Variants in PTPRD observed in about 807,000 individuals in gnomAD.
PTPRD encodes the protein receptor-type tyrosine-protein phosphatase delta.
Under a neutral mutation model 214.5 loss-of-function variants are expected in PTPRD, and 34 were observed. The observed-to-expected ratio is 0.16, with a 90% CI of 0.12 to 0.21. PTPRD has a LOEUF of 0.21. Among genes scored for constraint, PTPRD ranks in the 10% least tolerant of loss-of-function variants. PTPRD has a pLI of 1.00. For missense variants in PTPRD, 2,545 were observed against 2,398.7 expected (o/e 1.06, Z -1.27); for synonymous variants, 1,128 against 845.7 (o/e 1.33, Z -5.79).
intron 9 of PTPRD, among the ~76,000 whole-genome samples, chr9:9,213,584 G>A (rs896313191): frequency 1.1e-4 from 16 of 151,862 alleles, no homozygotes; most frequent in African/African-American, 1.2e-4. Context: ...TTTGGGAATC[G>A]GTTATATTTA....
At chr9:9,194,118 A>C (rs1041756121) in intron 9 of PTPRD, among the ~76,000 whole-genome samples, 1 of 152,108 alleles carries the variant, frequency 6.6e-6, no homozygotes, top group Non-Finnish European at 1.5e-5. Flanking sequence ...CTAGGTCTAC[A>C]CAGGGTCAGG....
chr9:9,797,627 C>T (rs2099011378), intron 5 of PTPRD, among the ~76,000 whole-genome samples: 1 of 152,016 alleles, frequency 6.6e-6, no homozygotes, highest in African/African-American at 2.4e-5. Flanking sequence ...GTGTGGATCG[C>T]CTGAGGTCAG....
At chr9:8,389,062 A>C (rs2088434080) in intron 37 of PTPRD, among the ~76,000 whole-genome samples, 170 bp downstream of exon 37, 1 of 150,472 alleles carries the variant, frequency 6.6e-6, no homozygotes, top group Non-Finnish European at 1.5e-5. Flanking sequence ...AAACACCCAG[A>C]GGAGTTTTAA....
intron 8 of PTPRD, among the ~76,000 whole-genome samples, chr9:9,458,326 G>A (rs545825424): frequency 2.0e-5 from 3 of 152,014 alleles, no homozygotes; most frequent in African/African-American, 7.2e-5. Flanking sequence ...TATCTGTCAA[G>A]AAGAAATCCA....
chr9:8,991,440 A>C (rs2099366268), intron 11 of PTPRD, among the ~76,000 whole-genome samples: 1 of 151,974 alleles, frequency 6.6e-6, no homozygotes, highest in Admixed American at 6.6e-5. Flanking sequence ...TTATGAATAA[A>C]TCCCTTGCCT....
intron 7 of PTPRD, among the ~76,000 whole-genome samples, chr9:9,697,059 G>C (rs1161212032): frequency 1.3e-5 from 2 of 152,042 alleles, no homozygotes; most frequent in South Asian, 2.1e-4. Flanking sequence ...CAAAGGAATA[G>C]TTAAAACAAA....
intron 7 of PTPRD, among the ~76,000 whole-genome samples, chr9:9,603,715 C>G (rs1352654757): frequency 6.6e-6 from 1 of 152,134 alleles, no homozygotes; most frequent in African/African-American, 2.4e-5. Flanking sequence ...CAGAAACTAT[C>G]CCCACCATGT....
At chr9:8,448,054 G>GTGGCTAA (rs2095802294) in intron 34 of PTPRD, among the ~76,000 whole-genome samples, 1 of 152,102 alleles carries the variant, frequency 6.6e-6, no homozygotes, top group South Asian at 2.1e-4. Flanking sequence ...GCCAGGAGTG[G>GTGGCTAA]TGGCTAATGC....
chr9:8,833,684 T>C (rs1168617174), intron 11 of PTPRD, among the ~76,000 whole-genome samples: 3 of 123,132 alleles, frequency 2.4e-5, no homozygotes, highest in African/African-American at 1.0e-4. Flanking sequence ...ATGAAAACTC[T>C]CTCCTCTCTC....
At chr9:9,173,081 A>G (rs1005407492) in intron 10 of PTPRD, among the ~76,000 whole-genome samples, 1 of 151,982 alleles carries the variant, frequency 6.6e-6, no homozygotes, top group Non-Finnish European at 1.5e-5. Context: ...CACTCCAGAC[A>G]CGTGAGCCCT....
intron 2 of PTPRD, among the ~76,000 whole-genome samples, chr9:10,486,058 G>T: frequency 6.6e-6 from 1 of 151,238 alleles, no homozygotes; most frequent in East Asian, 1.9e-4. Context: ...ATTTGTTTCA[G>T]TTCCTTGTAA....
At chr9:9,635,154 G>A (rs186080798) in intron 7 of PTPRD, among the ~76,000 whole-genome samples, 1 of 152,102 alleles carries the variant, frequency 6.6e-6, no homozygotes, top group African/African-American at 2.4e-5. Flanking sequence ...ACTGGAATAA[G>A]CCTATAAAGC....
intron 8 of PTPRD, among the ~76,000 whole-genome samples, chr9:9,411,816 G>C (rs2075528756): frequency 6.6e-6 from 1 of 152,278 alleles, no homozygotes; most frequent in Non-Finnish European, 1.5e-5. Context: ...AAGATCCCTA[G>C]GGAATAAATG....
At chr9:9,532,529 A>C (rs567684421) in intron 8 of PTPRD, among the ~76,000 whole-genome samples, 1 of 152,250 alleles carries the variant, frequency 6.6e-6, no homozygotes, top group Non-Finnish European at 1.5e-5. Flanking sequence ...CAGTGGTCAA[A>C]AGATTCTTCT....
intron 9 of PTPRD, among the ~76,000 whole-genome samples, chr9:9,312,839 C>G (rs575453955): frequency 2.8e-4 from 43 of 152,290 alleles, no homozygotes; most frequent in African/African-American, 1.0e-3. Context: ...CACAAAAGCA[C>G]TCAGCAAGCC....
intron 34 of PTPRD, 124 bp from the exon 35 acceptor site, chr9:8,436,813 T>C (rs1178441054): frequency 5.4e-6 from 4 of 735,260 alleles, no homozygotes; most frequent in Non-Finnish European, 8.9e-6. Context: ...AAAGATGTTT[T>C]AGGTGAGGAA....
intron 7 of PTPRD, among the ~76,000 whole-genome samples, chr9:9,696,613 A>G (rs759514213): frequency 5.3e-5 from 8 of 152,114 alleles, no homozygotes; most frequent in Non-Finnish European, 8.8e-5. Context: ...TCTGATTTAA[A>G]TATAGCTACT....
intron 9 of PTPRD, among the ~76,000 whole-genome samples, chr9:9,186,087 A>G: frequency 6.6e-6 from 1 of 152,130 alleles, no homozygotes; most frequent in East Asian, 1.9e-4. Flanking sequence ...ATTATTAAGA[A>G]GTCCCATTTT....
chr9:8,476,692 T>C (rs1201320144), intron 30 of PTPRD, among the ~76,000 whole-genome samples: 1 of 152,202 alleles, frequency 6.6e-6, no homozygotes, highest in Non-Finnish European at 1.5e-5. Context: ...AAAACATTAC[T>C]AAAGCAGACA....
Sources: gnomAD v4.1 joint callset for allele counts (sites outside exome capture counted in the v4.1 genomes callset) on GRCh38, gnomAD v4.1.1 for gene constraint, MANE v1.5 for transcripts, NCBI Gene and HGNC (gene_info 2026-07-23, HGNC 2026-07-21) for gene names.